The following LAMA2 variants were observed in gnomAD, a reference collection of about 807,000 sequenced individuals.
LAMA2 encodes laminin subunit alpha 2.
A neutral mutation model predicts 364.8 loss-of-function variants in LAMA2; 269 were observed. The observed-to-expected ratio is 0.74, with a 90% confidence interval of 0.67 to 0.82. LAMA2 has a LOEUF of 0.82. Ranked by LOEUF, LAMA2 falls within the 40% of genes least tolerant of loss-of-function variation. The pLI is 0.00. For synonymous variants in LAMA2, 1,379 were observed against 1,370.6 expected, an observed-to-expected ratio of 1.01 and a Z score of -0.14; for missense variants, 3,807 against 3,873.2, an observed-to-expected ratio of 0.98 and a Z score of 0.45.
intron 1 of LAMA2, among the ~76,000 whole-genome samples, chr6:128,922,998 T>G (rs891942362): frequency 5.3e-5 from 8 of 151,550 alleles, no homozygotes; most frequent in Non-Finnish European, 1.0e-4. Context: ...TTCTCAGGTT[T>G]GTCAAAGATC....
intron 35 of LAMA2, among the ~76,000 whole-genome samples, chr6:129,384,987 C>T (rs1583624707): frequency 7.9e-6 from 1 of 126,970 alleles, no homozygotes; most frequent in Admixed American, 9.2e-5. Context: ...CAGAGCAACA[C>T]TAAATGTTCA....
At chr6:129,115,350 C>CT (rs1284917065) in intron 4 of LAMA2, among the ~76,000 whole-genome samples, 41 of 152,156 alleles carry the variant, frequency 2.7e-4, no homozygotes, top group African/African-American at 9.4e-4. Context: ...TTCAGCTTGA[C>CT]TTTCTTTTGC....
intron 21 of LAMA2, among the ~76,000 whole-genome samples, chr6:129,298,831 G>T (rs1218720210): frequency 6.6e-6 from 1 of 150,668 alleles, no homozygotes; most frequent in African/African-American, 2.5e-5. Context: ...TAATTGATAA[G>T]TTATTCTAAT....
rs113908495 is a variant in LAMA2 at position 129,041,567 on chromosome 6, T to C, written c.113-8351T>C. ...TATTGATACTGATATTGAAAATACATAAAATCCAAAGAATGAGATAAATCT... is the reference window on the plus strand; with the variant it reads ...TATTGATACTGATATTGAAAATACACAAAATCCAAAGAATGAGATAAATCT... On this transcript the variant is annotated intron_variant, in intron 1 of 64. Coordinates refer to ENST00000421865, the MANE Select transcript of LAMA2 (RefSeq NM_000426.4). 7.4e-3 allele frequency among the ~76,000 whole-genome samples: 1,123 copies of C among 152,350 alleles called. 16 individuals carry two copies. The highest frequency in any genetic ancestry group is 0.026 in the African/African-American group (1,063 of 41,582).
chr6:129,062,990 G>A (rs1461699288), intron 3 of LAMA2, among the ~76,000 whole-genome samples: 5 of 148,228 alleles, frequency 3.4e-5, no homozygotes, highest in Non-Finnish European at 7.4e-5. Flanking sequence ...GAAGAAAGTA[G>A]CTACTTATTT....
intron 1 of LAMA2, among the ~76,000 whole-genome samples, chr6:128,977,763 A>G (rs988541357): frequency 2.6e-5 from 4 of 152,148 alleles, no homozygotes; most frequent in African/African-American, 7.2e-5. Flanking sequence ...TTTATTTTCA[A>G]CTTTTCTCTA....
intron 30 of LAMA2, among the ~76,000 whole-genome samples, chr6:129,348,655 AC>A (rs1327837658): frequency 1.3e-5 from 2 of 152,058 alleles, no homozygotes; most frequent in African/African-American, 2.4e-5. Context: ...GTTTTATAAG[AC>A]CTAATTATTA....
At chr6:129,447,975 G>T (rs1360796270) in intron 45 of LAMA2, among the ~76,000 whole-genome samples, 6 of 152,122 alleles carry the variant, frequency 3.9e-5, no homozygotes, top group African/African-American at 1.4e-4. Flanking sequence ...TATAAAACCT[G>T]TCTTAAAGTA....
Position 129,117,300 on chromosome 6 carries a change from T to G in LAMA2, c.639+18885T>G, listed in dbSNP as rs1776534371. 6.6e-5 allele frequency among the ~76,000 whole-genome samples: 10 copies of G among 152,328 alleles called. No individual in the cohort carries two copies. The South Asian group carries it at 2.1e-3, about 32-fold the overall frequency. ...CAATATTACTTGCTTATTTCTGCAG[T>G]GTAACAAAGATGAAGATATTCTCTT... On this transcript the variant is annotated intron_variant, in intron 4 of 64. Transcript: ENST00000421865.
rs764402318 is a variant in LAMA2 at position 129,314,708 on chromosome 6, C to T, written c.3465C>T (p.Leu1155=). 3.0e-5 allele frequency: 49 copies of T among 1,613,684 alleles called. No homozygotes were observed. Among genetic ancestry groups the T allele is most frequent in the East Asian group, 6.7e-5 (3 of 44,876 alleles). The change falls in exon 24 of 65, where the codon CTC becomes CTT. Residue 1155 remains leucine (L), a synonymous_variant. Coordinates refer to ENST00000421865, the MANE Select transcript of LAMA2 (RefSeq NM_000426.4). ...CDRCRPGKFG[L]DAKNPLGCSS... ...GATGCCGGCCTGGCAAATTCGGACTCGATGCCAAGAATCCACTTGGCTGCA... is the reference window on the plus strand; with the variant it reads ...GATGCCGGCCTGGCAAATTCGGACTTGATGCCAAGAATCCACTTGGCTGCA...
At chr6:129,274,310 T>C (rs1788147226) in intron 17 of LAMA2, among the ~76,000 whole-genome samples, 2 of 151,908 alleles carry the variant, frequency 1.3e-5, no homozygotes, top group Non-Finnish European at 2.9e-5. Flanking sequence ...TAAAAATATT[T>C]TATAAAAAAC....
Position 129,373,531 on chromosome 6 carries a change from G to C in LAMA2, c.4959+3541G>C, listed in dbSNP as rs576389972. On this transcript the variant is annotated intron_variant, in intron 34 of 64. Transcript: ENST00000421865. Reference sequence around the variant, plus strand: ...TATTGAAATATTACCATTAACCCAAGACTGTATTCATATTTTTTCAGTGTT... The same window carrying C: ...TATTGAAATATTACCATTAACCCAACACTGTATTCATATTTTTTCAGTGTT... 2.1e-4 allele frequency among the ~76,000 whole-genome samples: 32 copies of C among 152,110 alleles called. 1 individual carries two copies. The highest frequency in any genetic ancestry group is 7.2e-4 in the African/African-American group (30 of 41,490).
chr6:129,326,757 A>T (rs1775324616), intron 28 of LAMA2, among the ~76,000 whole-genome samples: 1 of 144,800 alleles, frequency 6.9e-6, no homozygotes, highest in Admixed American at 7.1e-5. Context: ...TATATAATTT[A>T]TATATATAAT....
chr6:129,478,396 T>G (rs1471121011), intron 53 of LAMA2, among the ~76,000 whole-genome samples: 1 of 152,200 alleles, frequency 6.6e-6, no homozygotes, highest in African/African-American at 2.4e-5. Flanking sequence ...ATTACACATA[T>G]AAAGCATCAA....
At chr6:129,210,003 C>CAAAAAAAAAAAAA (rs374127279) in intron 12 of LAMA2, among the ~76,000 whole-genome samples, 1,107 of 67,556 alleles carry the variant, frequency 0.016, 41 homozygotes, top group Non-Finnish European at 0.026. Context: ...GACTCCATCT[C>CAAAAAAAAAAAAA]AAAAAAAAAA....
intron 1 of LAMA2, among the ~76,000 whole-genome samples, chr6:128,909,865 G>A (rs1440772872): frequency 7.3e-5 from 11 of 151,486 alleles, no homozygotes; most frequent in Non-Finnish European, 1.2e-4. Context: ...TTGCTTGTCT[G>A]TAAAGTATTT....
intron 8 of LAMA2, among the ~76,000 whole-genome samples, chr6:129,164,228 CAGCA>C (rs1333171083): frequency 6.6e-6 from 1 of 152,178 alleles, no homozygotes; most frequent in Non-Finnish European, 1.5e-5. Context: ...AGTGTCTATA[CAGCA>C]TAGATATGCT....
chr6:129,229,312 G>A (rs7739194), intron 12 of LAMA2, among the ~76,000 whole-genome samples: 20,221 of 152,090 alleles, frequency 0.13, 3,363 homozygotes, highest in African/African-American at 0.39. Flanking sequence ...CTAGGAAAAA[G>A]TTATGTGGGT....
chr6:129,072,010 C>T (rs1395222524), intron 3 of LAMA2, among the ~76,000 whole-genome samples: 1 of 152,030 alleles, frequency 6.6e-6, no homozygotes, highest in Non-Finnish European at 1.5e-5. Flanking sequence ...AACAAATTAG[C>T]TGGGTGTGTG....
Sources: gnomAD v4.1 joint callset for allele counts (sites outside exome capture counted in the v4.1 genomes callset) on GRCh38, gnomAD v4.1.1 for gene constraint, MANE v1.5 for transcripts, NCBI Gene and HGNC (gene_info 2026-07-23, HGNC 2026-07-21) for gene names.